ARL13A: variants seen among roughly 807,000 people sequenced by gnomAD.
The protein encoded by ARL13A is ARF like GTPase 13A, also known as ADP-ribosylation factor-like protein 13A.
A neutral mutation model predicts 19.1 loss-of-function variants in ARL13A; 16 were observed. The observed-to-expected ratio is 0.84, with a 90% CI of 0.57 to 1.27. ARL13A has a LOEUF of 1.27. ARL13A is among the 50% of genes most tolerant of loss of function. The pLI, the probability that ARL13A is intolerant of heterozygous loss-of-function variation, is 0.00. For missense variants in ARL13A, 153 were observed against 186.4 expected (o/e 0.82, Z 1.04); for synonymous variants, 69 against 71.3 (o/e 0.97, Z 0.17).
intron 7 of ARL13A, among the ~76,000 whole-genome samples, chrX:100,989,517 G>A (rs979675036): frequency 3.7e-5 from 4 of 109,463 alleles, no homozygotes; most frequent in African/African-American, 1.3e-4. Context: ...GGCTGAGGCA[G>A]GAGAATCGCT....
In ARL13A at chrX:100,988,253, C is replaced by T. The variant is rs1333620967; in HGVS notation, c.714C>T (p.Ile238=). The T allele has an allele frequency of 2.5e-6, 3 of 1,208,686 alleles. No homozygotes were observed. Among genetic ancestry groups the T allele is most frequent in the South Asian group, 1.8e-5 (1 of 56,165 alleles). The change falls in exon 7 of 8, where the codon ATC becomes ATT. Residue 238 remains isoleucine, a synonymous_variant. Transcript: ENST00000450049. ...GACAGCATCTAGAACAATGCTCAAT[C>T]GAAGCTAAGCCTCTAAAGTCAATCC... is the stretch of plus-strand genomic sequence containing the variant. ...EKRQHLEQCS[I]EAKPLKSILQ...
chrX:100,987,279 G>C (rs2085948399), intron 5 of ARL13A, 111 bp from the exon 6 acceptor site: 1 of 772,901 alleles, frequency 1.3e-6, no homozygotes, highest in Non-Finnish European at 1.8e-6. Flanking sequence ...GCCTCTCTAG[G>C]CATAGCAGAG....
At chrX:100,980,357 A>G (rs899675838) in intron 3 of ARL13A, among the ~76,000 whole-genome samples, 21 of 108,810 alleles carry the variant, frequency 1.9e-4, no homozygotes, top group Non-Finnish European at 2.5e-4. Flanking sequence ...CTCAAGCAGA[A>G]TTGGCCACCA....
intron 7 of ARL13A, among the ~76,000 whole-genome samples, chrX:100,989,687 G>T (rs765084231): frequency 5.4e-5 from 6 of 111,486 alleles, no homozygotes; most frequent in Non-Finnish European, 9.4e-5. Flanking sequence ...AAGCTATGAG[G>T]GCTTAAAGGC....
chrX:100,976,646 C>T (rs919761272), intron 3 of ARL13A, among the ~76,000 whole-genome samples: 2 of 112,416 alleles, frequency 1.8e-5, no homozygotes, highest in African/African-American at 6.5e-5. Context: ...GAGTTTCACT[C>T]TTGTTGCCCA....
rs189624579 is a variant in ARL13A at position 100,988,022 on chromosome X, A to G, written c.654-171A>G. 2.2e-4 allele frequency among the ~76,000 whole-genome samples: 25 copies of G among 112,007 alleles called. No homozygotes were observed. In the Admixed American group the frequency reaches 2.4e-3, roughly 11 times the overall value. ...TTGAAAAGACGAAAAAGAAAAAGAA[A>G]ATAGGAGGTGATCAGAGTTTTGAGG... On this transcript the variant is annotated intron_variant, in intron 6 of 7. Coordinates refer to ENST00000450049, the MANE Select transcript of ARL13A (RefSeq NM_001162491.2).
chrX:100,984,156 C>T (rs190094771), intron 3 of ARL13A, among the ~76,000 whole-genome samples: 1 of 107,733 alleles, frequency 9.3e-6, no homozygotes, highest in African/African-American at 3.4e-5. Context: ...TCTTGTCCCC[C>T]ATGCTGGAGT....
intron 3 of ARL13A, among the ~76,000 whole-genome samples, chrX:100,982,668 G>A: frequency 2.3e-5 from 2 of 86,106 alleles, no homozygotes; most frequent in African/African-American, 8.2e-5. Context: ...TTTTTTTTGA[G>A]ACAGAGTCTC....
At chrX:100,972,426 G>A (rs1159426214) in intron 1 of ARL13A, among the ~76,000 whole-genome samples, 1 of 101,908 alleles carries the variant, frequency 9.8e-6, no homozygotes, top group Non-Finnish European at 2.0e-5. Flanking sequence ...CTTCCCAGTA[G>A]GGGCGGCTGG....
intron 3 of ARL13A, among the ~76,000 whole-genome samples, chrX:100,983,369 T>G (rs2085889914): frequency 9.0e-6 from 1 of 111,157 alleles, no homozygotes. Context: ...TTCACTTTTT[T>G]TTTTGAGACA....
chrX:100,984,756 G>C (rs1174814383), intron 3 of ARL13A, among the ~76,000 whole-genome samples: 1 of 112,122 alleles, frequency 8.9e-6, no homozygotes, highest in Non-Finnish European at 1.9e-5. Flanking sequence ...CAACAAGAAA[G>C]AGAGAGAGAA....
chrX:100,988,332 G>T, intron 7 of ARL13A, 49 bp downstream of exon 7: 1 of 1,202,257 alleles, frequency 8.3e-7, no homozygotes, highest in Non-Finnish European at 1.1e-6. Flanking sequence ...CCCTGAACAC[G>T]TGGGCACCAA....
intron 3 of ARL13A, 140 bp downstream of exon 3, chrX:100,974,337 G>GCA (rs1348054286): frequency 4.1e-5 from 18 of 435,288 alleles, no homozygotes; most frequent in Admixed American, 6.5e-5. Flanking sequence ...TAACACACAC[G>GCA]CACACACACA....
chrX:100,986,104 T>TG (rs989720441), intron 4 of ARL13A, among the ~76,000 whole-genome samples, 188 bp downstream of exon 4: 3 of 111,237 alleles, frequency 2.7e-5, no homozygotes, highest in Non-Finnish European at 3.8e-5. Context: ...CACACTGCCA[T>TG]GGGGGACAAG....
At chrX:100,976,086 A>G (rs1180168071) in intron 3 of ARL13A, among the ~76,000 whole-genome samples, 1 of 111,360 alleles carries the variant, frequency 9.0e-6, no homozygotes, top group African/African-American at 3.3e-5. Context: ...GAAATGTTTA[A>G]GAAGGTAAAT....
At chrX:100,979,685 A>T (rs1268188343) in intron 3 of ARL13A, among the ~76,000 whole-genome samples, 1 of 111,535 alleles carries the variant, frequency 9.0e-6, no homozygotes, top group Non-Finnish European at 1.9e-5. Context: ...GTGTCTGGGC[A>T]TTGAAGAGTT....
At position 100,973,682 on chromosome X, in the gene ARL13A, G is replaced by A. The variant is rs772586193; in HGVS notation, c.-8G>A. 2 of 1,209,748 alleles carry A rather than the reference G, an allele frequency of 1.7e-6. No homozygotes were observed. The highest frequency in any genetic ancestry group is 3.5e-5 in the South Asian group (2 of 56,886). On this transcript the variant is annotated 5_prime_UTR_variant, in exon 2 of 8. Coordinates refer to ENST00000450049, the MANE Select transcript of ARL13A (RefSeq NM_001162491.2). ...TCTTCTCTTAATATTTAAGAACTAA[G>A]ATGAATCATGTTCCGGCTTTTGTCC...
At chrX:100,987,338 C>T in intron 5 of ARL13A, 52 bp from the exon 6 acceptor site, 3 of 1,169,654 alleles carry the variant, frequency 2.6e-6, no homozygotes, top group Non-Finnish European at 2.3e-6. Context: ...TTCTGCGGGC[C>T]CCAGGGGTCC....
chrX:100,977,762 A>C (rs1192909306), intron 3 of ARL13A, among the ~76,000 whole-genome samples: 1 of 112,485 alleles, frequency 8.9e-6, no homozygotes, highest in African/African-American at 3.2e-5. Flanking sequence ...TACGAAATTT[A>C]TCTTTCTGTG....
Sources: allele counts gnomAD v4.1 joint callset (sites outside exome capture counted in the v4.1 genomes callset), GRCh38; gene constraint gnomAD v4.1.1; transcripts MANE v1.5; gene names NCBI Gene and HGNC (gene_info 2026-07-23, HGNC 2026-07-21).